TRMU: variants seen among roughly 807,000 people sequenced by gnomAD.
TRMU encodes the protein tRNA mitochondrial 2-thiouridylase.
TRMU carries 49 observed loss-of-function variants against 46.9 expected under a neutral mutation model. That is an observed-to-expected ratio of 1.05 (90% CI 0.83 to 1.33). The LOEUF is 1.33. TRMU is among the 40% of genes most tolerant of loss of function. The pLI is 0.00. For missense variants in TRMU, 572 were observed against 532.4 expected, an observed-to-expected ratio of 1.07 and a Z score of -0.73; for synonymous variants, 241 against 200.9, an observed-to-expected ratio of 1.20 and a Z score of -1.69.
At position 46,350,239 on chromosome 22, in the gene TRMU, A is replaced by C. The variant is rs573189401; in HGVS notation, c.479-52A>C. ...GAACAGAAGGACATTGTTGAAAGTG[A>C]AGTATCATTATTTTTATTCCTGCAT... On this transcript the variant is annotated intron_variant, in intron 4 of 10. Transcript: ENST00000645190. The surrounding 1 kb of genome is among the most constrained non-coding windows in gnomAD (Gnocchi z 4.6). The C allele has an allele frequency of 1.2e-6, 2 of 1,608,014 alleles. No homozygotes were observed. Among genetic ancestry groups the C allele is most frequent in the African/African-American group, 2.7e-5 (2 of 74,856 alleles).
intron 8 of TRMU, 119 bp downstream of exon 8, chr22:46,353,986 C>T (rs780513715): frequency 1.1e-6 from 1 of 891,842 alleles, no homozygotes; most frequent in Admixed American, 2.0e-5. Flanking sequence ...CTGTGACTAA[C>T]TCTGTTCCTG....
chr22:46,336,203 G>A lies in TRMU; in HGVS notation c.82+357G>A, dbSNP rs928591948. On this transcript the variant is annotated intron_variant, in intron 1 of 10. Transcript: ENST00000645190. This position sits in a 1 kb window ranked among gnomAD's most constrained non-coding sequence, Gnocchi z 4.1. ...CCTGTGAGACCGTGGACACTGGTGA[G>A]GGGAGCTGGGATCGCCGGGCCGGGG... 3.6e-6 allele frequency: 4 copies of A among 1,113,162 alleles called. No individual in the cohort carries two copies. The African/African-American group carries it at 5.1e-5, about 14-fold the overall frequency. The allele number at this position is 1,113,162 out of a possible 1,614,324, so 69.0% of individuals were successfully genotyped here. A position where few individuals can be genotyped will look rare whatever the true frequency, so the allele number is the denominator to read the frequency against.
rs547851003 is a variant in TRMU at position 46,340,699 on chromosome 22, C to T, written c.249-2563C>T. ...TGGGATTAAACCCCAGAATTAGGAG[C>T]GGAGCTGGGATTAAACCCCAGAATT... On this transcript the variant is annotated intron_variant, in intron 2 of 10. Transcript: ENST00000645190. 5.1e-5 allele frequency among the ~76,000 whole-genome samples: 7 copies of T among 137,668 alleles called. 1 individual carries two copies. In the South Asian group the frequency reaches 1.5e-3, roughly 30 times the overall value. 90.3% of individuals were successfully genotyped at this position (137,668 alleles called of 152,430 possible).
At chr22:46,354,795 C>T (rs1277896534) in intron 8 of TRMU, 1 of 155,026 alleles carries the variant, frequency 6.5e-6, no homozygotes, top group Non-Finnish European at 1.4e-5. Flanking sequence ...ACCCAAAGCC[C>T]TTAACTTCAT....
intron 8 of TRMU, chr22:46,354,923 A>G (rs74566488): frequency 0.12 from 20,638 of 172,090 alleles, 3,336 homozygotes; most frequent in African/African-American, 0.39. Flanking sequence ...AACCTAGGGT[A>G]TCTGGGGCCC....
At position 46,351,318 on chromosome 22, in the gene TRMU, G is replaced by A. The variant is rs1371410942; in HGVS notation, c.652-803G>A. 1.3e-5 allele frequency among the ~76,000 whole-genome samples: 2 copies of A among 152,156 alleles called. No homozygotes were observed. Among genetic ancestry groups the A allele is most frequent in the Admixed American group, 1.3e-4 (2 of 15,274 alleles). On this transcript the variant is annotated intron_variant, in intron 5 of 10. Coordinates refer to ENST00000645190, the MANE Select transcript of TRMU (RefSeq NM_018006.5). This position sits in a 1 kb window ranked among gnomAD's most constrained non-coding sequence, Gnocchi z 6.4. ...CAGCCTGGGCAACACAGCGAAACTC[G>A]TCTCAAAAAGAGAGAACCCGGAGTG...
At chr22:46,345,693 A>G (rs1224323321) in intron 3 of TRMU, among the ~76,000 whole-genome samples, 2 of 151,984 alleles carry the variant, frequency 1.3e-5, no homozygotes, top group East Asian at 1.9e-4. Context: ...CATTCTCTGT[A>G]AGGACCCCCA....
In TRMU at chr22:46,357,119, G is replaced by A. The variant is rs747510857; in HGVS notation, c.*113G>A. 177 of 1,491,848 alleles carry A rather than the reference G, an allele frequency of 1.2e-4. 2 individuals are homozygous for A. Among genetic ancestry groups the A allele is most frequent in the Admixed American group, 1.1e-3 (57 of 52,632 alleles). 92.4% of individuals were successfully genotyped at this position (1,491,848 alleles called of 1,614,324 possible). A position where few individuals can be genotyped will look rare whatever the true frequency, so the allele number is the denominator to read the frequency against. On this transcript the variant is annotated 3_prime_UTR_variant, in exon 11 of 11. Coordinates refer to ENST00000645190, the MANE Select transcript of TRMU (RefSeq NM_018006.5). The stretch of plus-strand genomic sequence containing the variant: ...GCTGCTGCCCAAAGCAGAGGAAGCC[G>A]GGCTGGCTGAGGGTCCGAAAAGCCT...
chr22:46,346,514 C>A lies in TRMU; in HGVS notation c.448C>A (p.Leu150Ile). Residue 150 changes from leucine to isoleucine, a missense_variant, in exon 4 of 11, where the codon CTT becomes ATT. Coordinates refer to ENST00000645190, the MANE Select transcript of TRMU (RefSeq NM_018006.5). ...GAAGCACGTTAAGAAGCCCGAAGGGCTTTTCAGAAATCGGTTTGAAGTTAG... is the reference window on the plus strand; with the variant it reads ...GAAGCACGTTAAGAAGCCCGAAGGGATTTTCAGAAATCGGTTTGAAGTTAG... ...EQKHVKKPEG[L>I]FRNRFEVRNA... is the part of the protein sequence containing the mutation. 6.2e-7 allele frequency: 1 copy of A among 1,612,890 alleles called. No homozygotes were observed. The highest frequency in any genetic ancestry group is 8.5e-7 in the Non-Finnish European group (1 of 1,179,200).
In TRMU at chr22:46,336,258, CG is replaced by C. The variant is rs1601930592; in HGVS notation, c.82+414del. On this transcript the variant is annotated intron_variant, in intron 1 of 10. Transcript: ENST00000645190. The surrounding 1 kb of genome is among the most constrained non-coding windows in gnomAD (Gnocchi z 4.1). ...GACCTCTGCACACGCTGTGGCCGCCCGGTGGGAGGTCCTTGTCCTCCCCACT... is the reference window on the plus strand; with the variant it reads ...GACCTCTGCACACGCTGTGGCCGCCCGTGGGAGGTCCTTGTCCTCCCCACT... 1 of 587,314 alleles carries C rather than the reference CG, an allele frequency of 1.7e-6. No individual in the cohort carries two copies. 36.4% of individuals were successfully genotyped at this position (587,314 alleles called of 1,614,324 possible). A position where few individuals can be genotyped will look rare whatever the true frequency, so the allele number is the denominator to read the frequency against.
chr22:46,342,756 G>A lies in TRMU; in HGVS notation c.249-506G>A, dbSNP rs1180493222. On this transcript the variant is annotated intron_variant, in intron 2 of 10. Transcript: ENST00000645190. This position sits in a 1 kb window ranked among gnomAD's most constrained non-coding sequence, Gnocchi z 4.7. ...GCAGATCACTTGAGGCCAGGAGTTG[G>A]AGACCAGCCTGGCCAACATGGTGAA... Among the ~76,000 whole-genome samples, 1 of 152,238 alleles carries A rather than the reference G, an allele frequency of 6.6e-6. No individual in the cohort carries two copies. The highest frequency in any genetic ancestry group is 2.4e-5 in the African/African-American group (1 of 41,462).
intron 8 of TRMU, 98 bp downstream of exon 8, chr22:46,353,965 C>A: frequency 8.9e-7 from 1 of 1,119,556 alleles, no homozygotes; most frequent in Non-Finnish European, 1.3e-6. Context: ...GCAGCCGTGG[C>A]TTCCTGGAGG....
chr22:46,355,609 T>A, intron 9 of TRMU, 21 bp downstream of exon 9: 1 of 1,613,248 alleles, frequency 6.2e-7, no homozygotes, highest in Non-Finnish European at 8.5e-7. Context: ...GGAGGGCTCC[T>A]GAGGACGGGC....
chr22:46,353,887 A>G lies in TRMU; in HGVS notation c.873+20A>G. ...TTTGTGGTGAGTGGGCCGGCCTCTG[A>G]GACAGCACTGGGGCTGGTTCTGGCA... On this transcript the variant is annotated intron_variant, in intron 8 of 10. Transcript: ENST00000645190. 6.2e-7 allele frequency: 1 copy of G among 1,610,488 alleles called. No homozygotes were observed. The highest frequency in any genetic ancestry group is 1.3e-5 in the African/African-American group (1 of 74,972).
chr22:46,355,739 C>A, intron 9 of TRMU, 151 bp downstream of exon 9: 1 of 1,364,554 alleles, frequency 7.3e-7, no homozygotes, highest in Non-Finnish European at 1.0e-6. Context: ...CTCCCGTGTC[C>A]TGTGCCTGCC....
Position 46,347,353 on chromosome 22 carries a change from ATTAATT to A in TRMU, c.478+813_478+818del, listed in dbSNP as rs2078287086. ...ACACATTTCTTTTTTAATTATTATT[ATTAATT>A]TTATTTTTTTGAGAGAGGATCTCAC... On this transcript the variant is annotated intron_variant, in intron 4 of 10. Transcript: ENST00000645190. This position sits in a 1 kb window ranked among gnomAD's most constrained non-coding sequence, Gnocchi z 5.0. 1 of 151,878 alleles carries A rather than the reference ATTAATT, an allele frequency of 6.6e-6. No homozygotes were observed. Among genetic ancestry groups the A allele is most frequent in the Non-Finnish European group, 1.5e-5 (1 of 67,974 alleles). The allele number at this position is 151,878 out of a possible 1,614,324, so 9.4% of individuals were successfully genotyped here.
rs1451080245 is a variant in TRMU, at chr22:46,342,218, C to T, written c.249-1044C>T. 6.6e-6 allele frequency among the ~76,000 whole-genome samples: 1 copy of T among 152,238 alleles called. No homozygotes were observed. The highest frequency in any genetic ancestry group is 2.4e-5 in the African/African-American group (1 of 41,442). Reference sequence around the variant, plus strand: ...CCAACTGGCTTCCAGTTGGGATTCCCATAACTTCCTCTTTGGGTTCAATTA... The same window carrying T: ...CCAACTGGCTTCCAGTTGGGATTCCTATAACTTCCTCTTTGGGTTCAATTA... On this transcript the variant is annotated intron_variant, in intron 2 of 10. Transcript: ENST00000645190. The surrounding 1 kb of genome is among the most constrained non-coding windows in gnomAD (Gnocchi z 4.7).
chr22:46,340,429 C>G lies in TRMU; in HGVS notation c.248+2485C>G, dbSNP rs76357276. ...ACCTGCCAGCACAGCTTTTTCAGAA[C>G]GTACGAGTGGATGCGATTTTTGAAG... is the stretch of plus-strand genomic sequence containing the variant. On this transcript the variant is annotated intron_variant, in intron 2 of 10. Coordinates refer to ENST00000645190, the MANE Select transcript of TRMU (RefSeq NM_018006.5). Among the ~76,000 whole-genome samples the G allele has an allele frequency of 1.4e-3, 216 of 152,346 alleles. 1 individual carries two copies. Among genetic ancestry groups the G allele is most frequent in the African/African-American group, 5.0e-3 (206 of 41,582 alleles).
At chr22:46,340,760 G>A (rs986760336) in intron 2 of TRMU, among the ~76,000 whole-genome samples, 11 of 152,032 alleles carry the variant, frequency 7.2e-5, no homozygotes, top group Non-Finnish European at 1.5e-5. Flanking sequence ...AGAATTAGGA[G>A]CGGAGCTGGG....
Sources: gnomAD v4.1 joint callset for allele counts (sites outside exome capture counted in the v4.1 genomes callset) on GRCh38, gnomAD v4.1.1 for gene constraint, Gnocchi (gnomAD v3.1) non-coding constraint, MANE v1.5 for transcripts, NCBI Gene and HGNC (gene_info 2026-07-23, HGNC 2026-07-21) for gene names.